KHDRBS2: variants seen among roughly 807,000 people sequenced by gnomAD.
KHDRBS2 encodes the protein KH RNA binding domain containing, signal transduction associated 2.
In KHDRBS2, 26 loss-of-function variants were observed where a neutral mutation model predicts 44.3. The observed-to-expected ratio is 0.59, with a 90% CI of 0.43 to 0.81. KHDRBS2 has a LOEUF of 0.81. Ranked by LOEUF, KHDRBS2 falls within the 40% of genes least tolerant of loss-of-function variation. The probability of loss-of-function intolerance (pLI) is 0.00; values close to 1 mark genes in which losing one functional copy is unlikely to be tolerated. For missense variants in KHDRBS2, 476 were observed against 433.1 expected (o/e 1.10, Z -0.88); for synonymous variants, 194 against 151.1 (o/e 1.28, Z -2.08).
intron 6 of KHDRBS2, among the ~76,000 whole-genome samples, chr6:61,876,405 G>A (rs1482954478): frequency 6.6e-6 from 1 of 151,810 alleles, no homozygotes. Flanking sequence ...ATTACAAATG[G>A]CAGACACCTA....
intron 2 of KHDRBS2, among the ~76,000 whole-genome samples, chr6:62,165,929 C>CA (rs1227837003): frequency 3.9e-5 from 6 of 151,902 alleles, no homozygotes; most frequent in Admixed American, 3.3e-4. Flanking sequence ...TCACTCCAAA[C>CA]AAAAACTCGG....
At chr6:61,763,119 CAGTT>C (rs1562116572) in intron 6 of KHDRBS2, among the ~76,000 whole-genome samples, 1 of 152,140 alleles carries the variant, frequency 6.6e-6, no homozygotes, top group South Asian at 2.1e-4. Context: ...TATGTGATCT[CAGTT>C]AGAACAAGGG....
chr6:61,846,682 G>A (rs1194852545), intron 6 of KHDRBS2, among the ~76,000 whole-genome samples: 1 of 151,994 alleles, frequency 6.6e-6, no homozygotes, highest in African/African-American at 2.4e-5. Flanking sequence ...CAAAATAGCA[G>A]ACTTTCCTTG....
At chr6:62,272,038 A>C (rs1192038410) in intron 1 of KHDRBS2, among the ~76,000 whole-genome samples, 1 of 152,142 alleles carries the variant, frequency 6.6e-6, no homozygotes, top group Non-Finnish European at 1.5e-5. Context: ...AGCTCCATTC[A>C]TGGTAAATGC....
chr6:62,185,418 C>A (rs1585108624), intron 1 of KHDRBS2, among the ~76,000 whole-genome samples: 1 of 152,016 alleles, frequency 6.6e-6, no homozygotes, highest in South Asian at 2.1e-4. Flanking sequence ...TAAAGGTCAG[C>A]AGGTCATAGT....
chr6:62,141,995 C>G (rs998834329), intron 2 of KHDRBS2, among the ~76,000 whole-genome samples: 4 of 151,900 alleles, frequency 2.6e-5, no homozygotes, highest in Admixed American at 1.3e-4. Flanking sequence ...CAAAAACTCA[C>G]CAAAAGTAGA....
chr6:61,979,740 C>A (rs1233332298), intron 3 of KHDRBS2, among the ~76,000 whole-genome samples: 1 of 152,108 alleles, frequency 6.6e-6, no homozygotes, highest in African/African-American at 2.4e-5. Context: ...AGAGGCAACA[C>A]TACACTGAAT....
the KHDRBS2 span, among the ~76,000 whole-genome samples, chr6:61,569,692 A>G: frequency 7.2e-5 from 11 of 152,136 alleles, no homozygotes; most frequent in Non-Finnish European, 1.6e-4. Flanking sequence ...TAGCACCTCC[A>G]CCAGAGCAGG....
rs145098372 is a variant in KHDRBS2, at chr6:62,050,911, C to T, written c.220-2917G>A. On this transcript the variant is annotated intron_variant, in intron 2 of 8. Transcript: ENST00000281156. Reference sequence around the variant, plus strand: ...TAAACAAGTGCTCATCCTAGAAGTACGGACAAACAAGTTTATATGTAAACA... The same window carrying T: ...TAAACAAGTGCTCATCCTAGAAGTATGGACAAACAAGTTTATATGTAAACA... Among the ~76,000 whole-genome samples, 11 of 152,116 alleles carry T rather than the reference C, an allele frequency of 7.2e-5. No homozygotes were observed. The East Asian group carries it at 1.4e-3, about 19-fold the overall frequency.
chr6:62,165,945 A>C (rs1818599634), intron 2 of KHDRBS2, among the ~76,000 whole-genome samples: 1 of 152,010 alleles, frequency 6.6e-6, no homozygotes, highest in Non-Finnish European at 1.5e-5. Flanking sequence ...CTCGGTACCC[A>C]TTAATGAACA....
At chr6:61,784,438 G>A (rs1476713235) in intron 6 of KHDRBS2, among the ~76,000 whole-genome samples, 1 of 151,716 alleles carries the variant, frequency 6.6e-6, no homozygotes, top group East Asian at 1.9e-4. Flanking sequence ...TGTAATATGA[G>A]AAATAACTCA....
intron 6 of KHDRBS2, among the ~76,000 whole-genome samples, chr6:61,813,275 A>G (rs891600275): frequency 6.6e-6 from 1 of 152,194 alleles, no homozygotes; most frequent in Non-Finnish European, 1.5e-5. Flanking sequence ...ACTCTGATGG[A>G]AGACCATCTT....
At chr6:62,116,366 C>T (rs1806223008) in intron 2 of KHDRBS2, among the ~76,000 whole-genome samples, 1 of 152,110 alleles carries the variant, frequency 6.6e-6, no homozygotes, top group African/African-American at 2.4e-5. Flanking sequence ...CCCCAGCCCT[C>T]CTACTCTTTG....
At chr6:62,229,418 G>A (rs575207342) in intron 1 of KHDRBS2, among the ~76,000 whole-genome samples, 3 of 152,114 alleles carry the variant, frequency 2.0e-5, no homozygotes, top group Non-Finnish European at 4.4e-5. Flanking sequence ...CCCTTCCCCC[G>A]CTCTGGGAGA....
chr6:62,007,783 A>G (rs1267508412), intron 3 of KHDRBS2, among the ~76,000 whole-genome samples: 1 of 152,080 alleles, frequency 6.6e-6, no homozygotes, highest in Non-Finnish European at 1.5e-5. Flanking sequence ...CCATAAGTCA[A>G]AAAAACCCCA....
chr6:61,596,501 T>C, the KHDRBS2 span, among the ~76,000 whole-genome samples: 3 of 152,188 alleles, frequency 2.0e-5, no homozygotes, highest in African/African-American at 4.8e-5. Flanking sequence ...GCCGATCTTC[T>C]AGGTTTGGAT....
chr6:61,737,976 A>G (rs1775630561), intron 6 of KHDRBS2, among the ~76,000 whole-genome samples: 1 of 151,984 alleles, frequency 6.6e-6, no homozygotes, highest in Non-Finnish European at 1.5e-5. Flanking sequence ...GCTCCCTAAA[A>G]AGCCAGTCAG....
the KHDRBS2 span, among the ~76,000 whole-genome samples, chr6:61,608,026 A>T: frequency 6.6e-6 from 1 of 152,124 alleles, no homozygotes; most frequent in Admixed American, 6.5e-5. Flanking sequence ...TTACTTCAAA[A>T]TTGATCTTTA....
At chr6:62,189,779 TTGAG>T (rs34466006) in intron 1 of KHDRBS2, among the ~76,000 whole-genome samples, 26,078 of 151,944 alleles carry the variant, frequency 0.17, 2,485 homozygotes, top group African/African-American at 0.26. Context: ...GGTTTTTGGC[TTGAG>T]TAAGTAGGTG....
Sources: allele counts gnomAD v4.1 joint callset (sites outside exome capture counted in the v4.1 genomes callset), GRCh38; gene constraint gnomAD v4.1.1; transcripts MANE v1.5; gene names NCBI Gene and HGNC (gene_info 2026-07-23, HGNC 2026-07-21).